Variants in NALF1 observed in about 807,000 individuals in gnomAD.
NALF1 encodes the protein NALCN channel auxiliary factor 1.
In NALF1, 3 loss-of-function variants were observed where a neutral mutation model predicts 48.4. The observed-to-expected ratio is 0.06, with a 90% CI of 0.03 to 0.16. The LOEUF is 0.16. NALF1 is among the 10% of genes least tolerant of loss of function. The pLI is 1.00. For missense variants in NALF1, 526 were observed against 571.5 expected (o/e 0.92, Z 0.81); for synonymous variants, 262 against 245.7 (o/e 1.07, Z -0.62).
At chr13:107,819,151 C>T (rs951541340) in intron 1 of NALF1, among the ~76,000 whole-genome samples, 1 of 151,666 alleles carries the variant, frequency 6.6e-6, no homozygotes, top group East Asian at 1.9e-4. Context: ...AACCTGATGT[C>T]TTGAAGATAG....
At chr13:107,502,772 T>A (rs1232145067) in intron 1 of NALF1, among the ~76,000 whole-genome samples, 1 of 152,176 alleles carries the variant, frequency 6.6e-6, no homozygotes, top group Non-Finnish European at 1.5e-5. Context: ...AAATTTAACC[T>A]CCTAAAAGCT....
chr13:107,416,597 T>C (rs887378947), intron 1 of NALF1, among the ~76,000 whole-genome samples: 5 of 151,982 alleles, frequency 3.3e-5, no homozygotes, highest in African/African-American at 1.2e-4. Context: ...AGATACTGCA[T>C]ATAATACATA....
intron 1 of NALF1, among the ~76,000 whole-genome samples, chr13:107,766,621 T>G (rs2138566036): frequency 6.6e-6 from 1 of 152,238 alleles, no homozygotes; most frequent in Non-Finnish European, 1.5e-5. Context: ...TTAGAATGGG[T>G]TTCAACCTAT....
At chr13:107,553,528 G>A (rs1231196082) in intron 1 of NALF1, among the ~76,000 whole-genome samples, 4 of 152,086 alleles carry the variant, frequency 2.6e-5, no homozygotes, top group African/African-American at 9.7e-5. Flanking sequence ...TCTGAAGTTA[G>A]CATTATGATT....
intron 1 of NALF1, among the ~76,000 whole-genome samples, chr13:107,744,835 T>C (rs539646905): frequency 6.6e-6 from 1 of 152,350 alleles, no homozygotes; most frequent in East Asian, 1.9e-4. Context: ...TTCAAGTGTC[T>C]AAGAGTGAAA....
chr13:107,640,941 C>A (rs547825573), intron 1 of NALF1, among the ~76,000 whole-genome samples: 1 of 152,212 alleles, frequency 6.6e-6, no homozygotes, highest in South Asian at 2.1e-4. Context: ...GGTATACACA[C>A]AAAATAAAGG....
intron 1 of NALF1, among the ~76,000 whole-genome samples, chr13:107,624,245 T>C (rs1306535133): frequency 6.6e-6 from 1 of 152,180 alleles, no homozygotes; most frequent in Non-Finnish European, 1.5e-5. Flanking sequence ...GTAGCTAATG[T>C]TCTTCTACTA....
At chr13:107,421,070 A>T (rs1185040992) in intron 1 of NALF1, among the ~76,000 whole-genome samples, 1 of 152,192 alleles carries the variant, frequency 6.6e-6, no homozygotes, top group Non-Finnish European at 1.5e-5. Context: ...TGCTACAGGC[A>T]CTTCAAATAT....
intron 1 of NALF1, among the ~76,000 whole-genome samples, chr13:107,418,283 T>A (rs1884127624): frequency 6.6e-6 from 1 of 152,014 alleles, no homozygotes; most frequent in Admixed American, 6.6e-5. Context: ...CCTGGAGTAA[T>A]CCCCTCCCCT....
intron 1 of NALF1, among the ~76,000 whole-genome samples, chr13:107,222,127 C>T (rs572594046): frequency 2.0e-5 from 3 of 152,224 alleles, no homozygotes; most frequent in African/African-American, 7.2e-5. Flanking sequence ...TAACACTAAT[C>T]TTAATTAGGA....
intron 1 of NALF1, among the ~76,000 whole-genome samples, chr13:107,777,273 CCAAA>C (rs1397176505): frequency 2.0e-5 from 3 of 152,030 alleles, no homozygotes; most frequent in Non-Finnish European, 4.4e-5. Context: ...AAGATTTGCC[CCAAA>C]CAGACAACTA....
intron 1 of NALF1, among the ~76,000 whole-genome samples, chr13:107,304,905 G>T (rs1401773356): frequency 1.3e-5 from 2 of 152,178 alleles, no homozygotes; most frequent in Non-Finnish European, 2.9e-5. Context: ...CTAACTCCTG[G>T]AAAATAAATG....
At chr13:107,203,042 T>A (rs1879553868) in intron 2 of NALF1, among the ~76,000 whole-genome samples, 1 of 152,244 alleles carries the variant, frequency 6.6e-6, no homozygotes, top group Admixed American at 6.5e-5. Flanking sequence ...ATTGTTCAAA[T>A]TAGTCCAGTA....
At chr13:107,506,072 A>G (rs1375370425) in intron 1 of NALF1, among the ~76,000 whole-genome samples, 1 of 152,136 alleles carries the variant, frequency 6.6e-6, no homozygotes, top group Non-Finnish European at 1.5e-5. Flanking sequence ...AGACTTTTAA[A>G]CATGTTTAAT....
At chr13:107,194,266 T>C (rs995156349) in intron 2 of NALF1, among the ~76,000 whole-genome samples, 4 of 152,166 alleles carry the variant, frequency 2.6e-5, no homozygotes, top group African/African-American at 9.7e-5. Flanking sequence ...GCTTGGCTGA[T>C]TGTCTTATAC....
intron 1 of NALF1, among the ~76,000 whole-genome samples, chr13:107,632,031 T>G (rs1055535213): frequency 5.3e-5 from 8 of 152,178 alleles, no homozygotes; most frequent in African/African-American, 1.9e-4. Flanking sequence ...AGTATAAATT[T>G]ATATGTTAAT....
At chr13:107,687,071 T>C (rs550703365) in intron 1 of NALF1, among the ~76,000 whole-genome samples, 6 of 152,280 alleles carry the variant, frequency 3.9e-5, no homozygotes, top group South Asian at 2.1e-4. Context: ...CAATGGATGA[T>C]TGGATAAAGA....
At chr13:107,403,209 T>TATTTTA (rs1883841304) in intron 1 of NALF1, among the ~76,000 whole-genome samples, 3 of 144,018 alleles carry the variant, frequency 2.1e-5, no homozygotes, top group African/African-American at 7.6e-5. Flanking sequence ...TTTTTTTTTT[T>TATTTTA]TTTTTTTTTA....
chr13:107,339,468 G>C (rs929102586), intron 1 of NALF1, among the ~76,000 whole-genome samples: 2 of 152,054 alleles, frequency 1.3e-5, no homozygotes, highest in Non-Finnish European at 2.9e-5. Context: ...GTCTGAGATA[G>C]GGGCCTGCAA....
Sources: gnomAD v4.1 joint callset for allele counts (sites outside exome capture counted in the v4.1 genomes callset) on GRCh38, gnomAD v4.1.1 for gene constraint, MANE v1.5 for transcripts, NCBI Gene and HGNC (gene_info 2026-07-23, HGNC 2026-07-21) for gene names.